Variants in SOCS7 observed in about 807,000 individuals in gnomAD.
SOCS7 encodes the protein NAP-4.
In SOCS7, 18 loss-of-function variants were observed where a neutral mutation model predicts 58.9. The observed-to-expected ratio is 0.31, with a 90% CI of 0.21 to 0.45. SOCS7 has a LOEUF of 0.45. Ranked by LOEUF, SOCS7 falls within the 20% of genes least tolerant of loss-of-function variation. The probability of loss-of-function intolerance (pLI) is 1.00; values close to 1 mark genes in which losing one functional copy is unlikely to be tolerated. For missense variants in SOCS7, 667 were observed against 837.3 expected (o/e 0.80, Z 2.51); for synonymous variants, 388 against 364.3 (o/e 1.06, Z -0.74).
At chr17:38,360,432 C>G (rs2037701575) in intron 1 of SOCS7, among the ~76,000 whole-genome samples, 1 of 152,186 alleles carries the variant, frequency 6.6e-6, no homozygotes, top group Non-Finnish European at 1.5e-5. Context: ...ACCTTGTGAT[C>G]TGCCCACCTT....
rs1405203410 is a variant in SOCS7 at position 38,399,797 on chromosome 17, A to G, written c.*315A>G. ...GTTTTTGATATTTATATTACTTGGT[A>G]TGGAAAACTCACCTTGAAGGCAGTT... On this transcript the variant is annotated 3_prime_UTR_variant, in exon 10 of 10. Coordinates refer to ENST00000612932, the MANE Select transcript of SOCS7 (RefSeq NM_014598.4). 6.6e-6 allele frequency: 1 copy of G among 152,536 alleles called. No homozygotes were observed. Among genetic ancestry groups the G allele is most frequent in the Non-Finnish European group, 1.5e-5 (1 of 68,056 alleles). 9.4% of individuals were successfully genotyped at this position (152,536 alleles called of 1,614,324 possible).
Position 38,358,253 on chromosome 17 carries a change from T to G in SOCS7, c.981-3458T>G, listed in dbSNP as rs139211839. ...CACCCTAATGCTTTTTGAGGTGATC[T>G]GGGGAAGAATAAATAACATGGGAAT... On this transcript the variant is annotated intron_variant, in intron 1 of 9. Coordinates refer to ENST00000612932, the MANE Select transcript of SOCS7 (RefSeq NM_014598.4). Among the ~76,000 whole-genome samples the G allele has an allele frequency of 4.7e-3, 719 of 152,278 alleles. 4 individuals carry two copies. The highest frequency in any genetic ancestry group is 0.016 in the African/African-American group (680 of 41,562).
chr17:38,360,201 T>C (rs1480473170), intron 1 of SOCS7, among the ~76,000 whole-genome samples: 1 of 142,756 alleles, frequency 7.0e-6, no homozygotes, highest in Admixed American at 7.0e-5. Flanking sequence ...TTTCTTTTTC[T>C]TTTTTTTTTT....
chr17:38,391,689 C>T (rs1181975808), intron 7 of SOCS7, among the ~76,000 whole-genome samples: 2 of 152,240 alleles, frequency 1.3e-5, no homozygotes, highest in Non-Finnish European at 2.9e-5. Flanking sequence ...GCGTGAGCCA[C>T]CGCACTGGGC....
At chr17:38,378,070 G>C (rs1166882103) in intron 7 of SOCS7, among the ~76,000 whole-genome samples, 2 of 152,176 alleles carry the variant, frequency 1.3e-5, no homozygotes, top group African/African-American at 4.8e-5. Context: ...TGAGAAAACT[G>C]CTTCCACCTC....
chr17:38,364,268 A>G (rs587766915), intron 2 of SOCS7, among the ~76,000 whole-genome samples: 1 of 152,336 alleles, frequency 6.6e-6, no homozygotes, highest in African/African-American at 2.4e-5. Context: ...TCTAGGAAGA[A>G]GTTAGGACTA....
chr17:38,358,812 C>A (rs1567735733), intron 1 of SOCS7, among the ~76,000 whole-genome samples: 1 of 152,126 alleles, frequency 6.6e-6, no homozygotes, highest in Admixed American at 6.5e-5. Flanking sequence ...CCAGGAAAAA[C>A]CATTCTGGCA....
At chr17:38,377,881 G>A (rs1265765929) in intron 7 of SOCS7, 39 bp downstream of exon 7, 2 of 1,595,370 alleles carry the variant, frequency 1.3e-6, no homozygotes, top group African/African-American at 1.3e-5. Flanking sequence ...ACTTAAGTTG[G>A]GTATGATCCA....
In SOCS7 at chr17:38,404,786, G is replaced by A. The variant is rs1448165885; in HGVS notation, c.*5304G>A. On this transcript the variant is annotated 3_prime_UTR_variant, in exon 10 of 10. Transcript: ENST00000612932. ...ACTCCTCCATCTCTGGTGCTCCCTT[G>A]GGCGGGGACCTGTCCCTCACTCTTA... is the stretch of plus-strand genomic sequence containing the variant. 1 of 152,330 alleles carries A rather than the reference G, an allele frequency of 6.6e-6. No individual in the cohort carries two copies. The highest frequency in any genetic ancestry group is 1.5e-5 in the Non-Finnish European group (1 of 68,132). 9.4% of individuals were successfully genotyped at this position (152,330 alleles called of 1,614,324 possible). A position where few individuals can be genotyped will look rare whatever the true frequency, so the allele number is the denominator to read the frequency against.
Position 38,352,779 on chromosome 17 carries a change from G to GAGC in SOCS7, c.750_752dup (p.Gln251dup), listed in dbSNP as rs55849419. The GAGC allele has an allele frequency of 0.017, 26,147 of 1,549,996 alleles. 441 individuals are homozygous for GAGC. Among genetic ancestry groups the GAGC allele is most frequent in the African/African-American group, 0.095 (6,957 of 73,038 alleles). On this transcript the variant is annotated inframe_insertion, in exon 1 of 10. Transcript: ENST00000612932. This position sits in a 1 kb window ranked among gnomAD's most constrained non-coding sequence, Gnocchi z 5.5. ...CCCTCTGGGGCGCCTGAGTAGAGGGGAGCAGCAGCAGCAGCAGCAGCAGCA... is the reference window on the plus strand; with the variant it reads ...CCCTCTGGGGCGCCTGAGTAGAGGGGAGCAGCAGCAGCAGCAGCAGCAGCAGCA...
chr17:38,354,784 C>G (rs1397770022), intron 1 of SOCS7, among the ~76,000 whole-genome samples: 3 of 152,170 alleles, frequency 2.0e-5, no homozygotes, highest in African/African-American at 7.2e-5. Context: ...TTTGTCTTGC[C>G]TTTGTTCCAT....
chr17:38,399,125 C>T (rs2038285183), intron 9 of SOCS7, among the ~76,000 whole-genome samples: 2 of 151,436 alleles, frequency 1.3e-5, no homozygotes, highest in Non-Finnish European at 2.9e-5. Flanking sequence ...AAATATAGAG[C>T]TCTTTCTTGC....
At chr17:38,359,785 A>G (rs2144319185) in intron 1 of SOCS7, among the ~76,000 whole-genome samples, 1 of 151,462 alleles carries the variant, frequency 6.6e-6, no homozygotes, top group South Asian at 2.1e-4. Context: ...TTTAATTAAA[A>G]AAAATTTTTT....
rs1175481198 is a variant in SOCS7, at chr17:38,404,946, G to C, written c.*5464G>C. ...TTTGGTTGTTTTTAAGAAACTCGAT[G>C]AAGAGGGGTGTCATTCTGGGCTCGG... On this transcript the variant is annotated 3_prime_UTR_variant, in exon 10 of 10. Transcript: ENST00000612932. 2 of 152,182 alleles carry C rather than the reference G, an allele frequency of 1.3e-5. No individual in the cohort carries two copies. Among genetic ancestry groups the C allele is most frequent in the African/African-American group, 4.8e-5 (2 of 41,438 alleles). The allele number at this position is 152,182 out of a possible 1,614,324, so 9.4% of individuals were successfully genotyped here.
intron 4 of SOCS7, chr17:38,365,915 C>T: frequency 1.1e-6 from 1 of 933,332 alleles, no homozygotes. Flanking sequence ...CATTACTCTT[C>T]CTGGGCAAGT....
chr17:38,352,509 C>T lies in SOCS7; in HGVS notation c.457C>T (p.Pro153Ser), dbSNP rs1485276298. 6.5e-7 allele frequency: 1 copy of T among 1,543,478 alleles called. No individual in the cohort carries two copies. Among genetic ancestry groups the T allele is most frequent in the East Asian group, 2.5e-5 (1 of 40,812 alleles). ...CTGCCCGTGTCCGTGTCCTCCTCAGCCGCCCCCTCCGCAGCCCCAGCCGCC... is the reference window on the plus strand; with the variant it reads ...CTGCCCGTGTCCGTGTCCTCCTCAGTCGCCCCCTCCGCAGCCCCAGCCGCC... ...GCCPCPCPPQPPPPQPQPPAA... is the reference protein window; with the variant it reads ...GCCPCPCPPQSPPPQPQPPAA... Residue 153 changes from proline to serine, a missense_variant, in exon 1 of 10, where the codon CCG (proline) becomes TCG (serine). By Grantham distance (74) the Pro-to-Ser change is moderately conservative (BLOSUM62 -1). Around this residue, in one of 9 missense-constraint regions of SOCS7, gnomAD observed 154 missense variants for 156.3 expected, o/e 0.98. Transcript: ENST00000612932. The surrounding 1 kb of genome is among the most constrained non-coding windows in gnomAD (Gnocchi z 5.5).
At chr17:38,365,598 T>C (rs951208325) in intron 4 of SOCS7, 189 bp downstream of exon 4, 1 of 443,416 alleles carries the variant, frequency 2.3e-6, no homozygotes, top group Admixed American at 4.2e-5. Context: ...CCGTTTTCTT[T>C]ATGGAGGTCA....
At chr17:38,379,524 A>G (rs2037975351) in intron 7 of SOCS7, among the ~76,000 whole-genome samples, 1 of 152,130 alleles carries the variant, frequency 6.6e-6, no homozygotes, top group East Asian at 1.9e-4. Context: ...TGAGAACTTC[A>G]TGCTTTCCCA....
intron 6 of SOCS7, among the ~76,000 whole-genome samples, chr17:38,373,087 CAA>C (rs2037888516): frequency 6.8e-6 from 1 of 147,956 alleles, no homozygotes; most frequent in Non-Finnish European, 1.5e-5. Flanking sequence ...GCCTGGGCAA[CAA>C]GAGCAGAACT....
Sources: allele counts gnomAD v4.1 joint callset (sites outside exome capture counted in the v4.1 genomes callset), GRCh38; gene constraint gnomAD v4.1.1; regional missense constraint gnomAD v4.1.1; non-coding constraint Gnocchi (gnomAD v3.1); transcripts MANE v1.5; gene names NCBI Gene and HGNC (gene_info 2026-07-23, HGNC 2026-07-21).